Variants in LRRIQ1 observed in about 807,000 individuals in gnomAD.
The protein encoded by LRRIQ1 is leucine-rich repeat- and IQ domain-containing protein 1.
In LRRIQ1, 210 loss-of-function variants were observed where a neutral mutation model predicts 211.9. That is an observed-to-expected ratio of 0.99 (90% CI 0.89 to 1.11). The LOEUF (loss-of-function observed/expected upper bound fraction) is 1.11, where lower values mean the gene tolerates loss of function less well. Among genes scored for constraint, LRRIQ1 ranks in the 50% most tolerant of loss-of-function variants. The pLI is 0.00. For synonymous variants in LRRIQ1, 699 were observed against 650.1 expected, an observed-to-expected ratio of 1.08 and a Z score of -1.14; for missense variants, 2,136 against 1,939.5, an observed-to-expected ratio of 1.10 and a Z score of -1.90.
At chr12:85,269,718 G>T in the LRRIQ1 span, among the ~76,000 whole-genome samples, 4 of 151,930 alleles carry the variant, frequency 2.6e-5, no homozygotes, top group African/African-American at 4.8e-5. Context: ...TCTAAGTCTA[G>T]TATTGGCTGG....
intron 15 of LRRIQ1, among the ~76,000 whole-genome samples, chr12:85,110,867 G>A (rs545147757): frequency 5.9e-5 from 9 of 152,118 alleles, no homozygotes; most frequent in Non-Finnish European, 4.4e-5. Flanking sequence ...GAGAAATCAA[G>A]TACTTACAGT....
Position 85,095,888 on chromosome 12 carries a change from G to T in LRRIQ1, c.2888-2467G>T, listed in dbSNP as rs28807132. Among the ~76,000 whole-genome samples, 1,152 of 152,142 alleles carry T rather than the reference G, an allele frequency of 7.6e-3. 19 individuals carry two copies. Among genetic ancestry groups the T allele is most frequent in the African/African-American group, 0.026 (1,085 of 41,518 alleles). ...TCCTGACTTACTCTTGCAAGGTTGT[G>T]TGTTTCCAAGAATTTATCTACTTCC... is the stretch of plus-strand genomic sequence containing the variant. On this transcript the variant is annotated intron_variant, in intron 11 of 26. Transcript: ENST00000393217.
chr12:85,220,033 A>G (rs1266936810), intron 24 of LRRIQ1, among the ~76,000 whole-genome samples: 2 of 152,194 alleles, frequency 1.3e-5, no homozygotes, highest in Admixed American at 1.3e-4. Flanking sequence ...TATTTTAATA[A>G]ACACATACAG....
At chr12:85,242,639 G>A (rs1895517207) in intron 26 of LRRIQ1, among the ~76,000 whole-genome samples, 1 of 151,852 alleles carries the variant, frequency 6.6e-6, no homozygotes, top group African/African-American at 2.4e-5. Flanking sequence ...ACACTAAGCA[G>A]AGAATGATGT....
chr12:85,168,815 C>T (rs1891275117), intron 24 of LRRIQ1, among the ~76,000 whole-genome samples: 1 of 152,158 alleles, frequency 6.6e-6, no homozygotes, highest in African/African-American at 2.4e-5. Flanking sequence ...GCAGCTGCTT[C>T]AGCTTCAGAT....
intron 9 of LRRIQ1, 75 bp from the exon 10 acceptor site, chr12:85,066,673 C>T (rs2136066370): frequency 3.4e-6 from 4 of 1,183,582 alleles, no homozygotes; most frequent in Non-Finnish European, 4.6e-6. Context: ...TCTTTCTTTC[C>T]TCTTTTTGAA....
chr12:85,126,075 G>A (rs1888354198), intron 17 of LRRIQ1, among the ~76,000 whole-genome samples: 1 of 152,144 alleles, frequency 6.6e-6, no homozygotes, highest in Admixed American at 6.5e-5. Context: ...TGATCATGAT[G>A]ATGATCATGG....
At position 85,047,395 on chromosome 12, in the gene LRRIQ1, A is replaced by G. The variant is rs762970796; in HGVS notation, c.603A>G (p.Gln201=). The G allele has an allele frequency of 2.5e-6, 4 of 1,609,146 alleles. No homozygotes were observed. In the African/African-American group the frequency reaches 5.3e-5, roughly 22 times the overall value. ...GGGATAGAGAAGAAAAACAATTTCA[A>G]GAAGAAGAAGAAAAGCGACATTGCT... The part of the protein sequence containing the change: ...AQRDREEKQF[Q]EEEEKRHCWM... The change falls in exon 6 of 27, where the codon CAA becomes CAG. Residue 201 remains glutamine (Q), a synonymous_variant. Coordinates refer to ENST00000393217, the MANE Select transcript of LRRIQ1 (RefSeq NM_001079910.2).
chr12:85,192,796 T>C (rs1285803491), intron 24 of LRRIQ1, among the ~76,000 whole-genome samples: 1 of 105,556 alleles, frequency 9.5e-6, no homozygotes, highest in African/African-American at 3.8e-5. Flanking sequence ...TATATATAGT[T>C]ATATACTATA....
chr12:85,057,880 C>T (rs1260164083), intron 8 of LRRIQ1, among the ~76,000 whole-genome samples: 1 of 151,994 alleles, frequency 6.6e-6, no homozygotes, highest in Non-Finnish European at 1.5e-5. Flanking sequence ...ATATATTTAG[C>T]TAAGGCCTGA....
chr12:85,095,231 T>G (rs1885768286), intron 11 of LRRIQ1, among the ~76,000 whole-genome samples: 1 of 152,190 alleles, frequency 6.6e-6, no homozygotes. Context: ...GCCCATTCAT[T>G]ATAATCTTGG....
intron 26 of LRRIQ1, among the ~76,000 whole-genome samples, chr12:85,235,469 G>T (rs1895133464): frequency 6.6e-6 from 1 of 152,192 alleles, no homozygotes; most frequent in Non-Finnish European, 1.5e-5. Context: ...ATCAAAGAAA[G>T]TGAGGTCTGG....
At chr12:85,256,326 T>C (rs1398793102) in intron 1 of LRRIQ1, among the ~76,000 whole-genome samples, 1 of 151,736 alleles carries the variant, frequency 6.6e-6, no homozygotes, top group East Asian at 1.9e-4. Context: ...TTAGTTCTTA[T>C]CCATTTATAT....
At chr12:85,085,435 G>T (rs1043348366) in intron 11 of LRRIQ1, among the ~76,000 whole-genome samples, 1 of 152,178 alleles carries the variant, frequency 6.6e-6, no homozygotes, top group Non-Finnish European at 1.5e-5. Flanking sequence ...TGAGATTTTG[G>T]TGGGGACAGA....
intron 11 of LRRIQ1, among the ~76,000 whole-genome samples, chr12:85,082,212 T>G (rs1156436932): frequency 2.6e-5 from 4 of 152,176 alleles, no homozygotes; most frequent in Non-Finnish European, 5.9e-5. Flanking sequence ...ATTTGAAGTA[T>G]CAATCTATTA....
At chr12:85,065,636 T>G (rs1357722904) in intron 9 of LRRIQ1, among the ~76,000 whole-genome samples, 4 of 151,828 alleles carry the variant, frequency 2.6e-5, no homozygotes, top group African/African-American at 9.7e-5. Context: ...GCTAATATGG[T>G]TATTGTTTTC....
In LRRIQ1 at chr12:85,143,942, G is replaced by A. The variant is rs111257324; in HGVS notation, c.4329+5973G>A. Among the ~76,000 whole-genome samples the A allele has an allele frequency of 3.8e-3, 581 of 151,660 alleles. 4 individuals are homozygous for A. Among genetic ancestry groups the A allele is most frequent in the African/African-American group, 0.013 (538 of 41,432 alleles). On this transcript the variant is annotated intron_variant, in intron 19 of 26. Transcript: ENST00000393217. ...AAATTTTTAAATTTTAGTTTCAGGG[G>A]TACATGTGCAGCTTTGCTATATAGG... is the stretch of plus-strand genomic sequence containing the variant.
chr12:85,039,977 T>C (rs187133789), intron 2 of LRRIQ1, among the ~76,000 whole-genome samples: 2 of 151,748 alleles, frequency 1.3e-5, no homozygotes, highest in Admixed American at 1.3e-4. Context: ...TTAGAAAATT[T>C]ACAAATCGAG....
chr12:85,203,339 C>T (rs752727382), intron 24 of LRRIQ1, among the ~76,000 whole-genome samples: 8 of 152,220 alleles, frequency 5.3e-5, no homozygotes, highest in Non-Finnish European at 1.0e-4. Context: ...ATGTCTTTAT[C>T]AGCAGTGTGA....
Sources: gnomAD v4.1 joint callset for allele counts (sites outside exome capture counted in the v4.1 genomes callset) on GRCh38, gnomAD v4.1.1 for gene constraint, MANE v1.5 for transcripts, NCBI Gene and HGNC (gene_info 2026-07-23, HGNC 2026-07-21) for gene names.